GRM7: variants seen among roughly 807,000 people sequenced by gnomAD.
GRM7 encodes metabotropic glutamate receptor 7.
A neutral mutation model predicts 84.5 loss-of-function variants in GRM7; 35 were observed. That is an observed-to-expected ratio of 0.41 (90% confidence interval 0.32 to 0.55). GRM7 has a LOEUF of 0.55. Among genes scored for constraint, GRM7 ranks in the 20% least tolerant of loss-of-function variants. GRM7 has a pLI of 0.19. For synonymous variants in GRM7, 487 were observed against 455.1 expected, an observed-to-expected ratio of 1.07 and a Z score of -0.89; for missense variants, 1,003 against 1,194.6, an observed-to-expected ratio of 0.84 and a Z score of 2.36.
intron 8 of GRM7, among the ~76,000 whole-genome samples, chr3:7,588,236 C>T (rs902306049): frequency 6.6e-6 from 1 of 152,190 alleles, no homozygotes; most frequent in African/African-American, 2.4e-5. Context: ...GGCTGTTGAA[C>T]TGCAAGCAGT....
At chr3:7,469,575 C>T (rs144705264) in intron 7 of GRM7, among the ~76,000 whole-genome samples, 126 of 152,050 alleles carry the variant, frequency 8.3e-4, no homozygotes, top group African/African-American at 2.9e-3. Context: ...CATCTGCCAC[C>T]TACTTCTCTA....
intron 8 of GRM7, among the ~76,000 whole-genome samples, chr3:7,581,030 A>C (rs1051046750): frequency 1.3e-5 from 2 of 152,194 alleles, no homozygotes; most frequent in Non-Finnish European, 2.9e-5. Flanking sequence ...CAACAGGTTG[A>C]AGACATTAAA....
intron 3 of GRM7, among the ~76,000 whole-genome samples, chr3:7,305,413 T>A (rs1209317335): frequency 2.1e-5 from 1 of 47,758 alleles, no homozygotes; most frequent in African/African-American, 4.4e-5. Flanking sequence ...TAGTTACATA[T>A]GTATACATGT....
At chr3:7,625,342 C>A (rs541379432) in intron 8 of GRM7, among the ~76,000 whole-genome samples, 1 of 151,514 alleles carries the variant, frequency 6.6e-6, no homozygotes, top group Non-Finnish European at 1.5e-5. Context: ...GTCTAGAGGG[C>A]AAGAAAAAAG....
chr3:7,480,715 G>A (rs1026439071), intron 7 of GRM7, among the ~76,000 whole-genome samples: 22 of 152,066 alleles, frequency 1.4e-4, no homozygotes, highest in African/African-American at 5.1e-4. Context: ...TTTAATGTAG[G>A]GCTTCAAGCT....
chr3:7,099,351 TATGTACAC>T (rs1160036123), intron 1 of GRM7, among the ~76,000 whole-genome samples: 4 of 147,908 alleles, frequency 2.7e-5, no homozygotes, highest in South Asian at 4.2e-4. Flanking sequence ...TACATGTATA[TATGTACAC>T]ATGTATACAT....
intron 2 of GRM7, among the ~76,000 whole-genome samples, chr3:7,177,637 TA>T (rs1695199485): frequency 6.7e-6 from 1 of 149,294 alleles, no homozygotes; most frequent in Non-Finnish European, 1.5e-5. Flanking sequence ...AAGAAGGAAA[TA>T]GAAAGAAGGG....
At chr3:7,081,113 A>G (rs1389123605) in intron 1 of GRM7, among the ~76,000 whole-genome samples, 6 of 152,010 alleles carry the variant, frequency 3.9e-5, no homozygotes, top group Admixed American at 3.9e-4. Flanking sequence ...TAGTTATGGT[A>G]CAGAGTCCTT....
intron 1 of GRM7, among the ~76,000 whole-genome samples, chr3:7,141,093 C>A (rs898544638): frequency 6.6e-6 from 1 of 151,832 alleles, no homozygotes; most frequent in Admixed American, 6.6e-5. Flanking sequence ...TCAGAAATAA[C>A]AAAAGGGAAA....
At chr3:6,883,035 A>C (rs1695568224) in intron 1 of GRM7, among the ~76,000 whole-genome samples, 1 of 152,196 alleles carries the variant, frequency 6.6e-6, no homozygotes, top group Non-Finnish European at 1.5e-5. Context: ...TCAGCAATTT[A>C]ACATCGTGTG....
chr3:7,524,186 T>C (rs1401044947), intron 7 of GRM7, among the ~76,000 whole-genome samples: 1 of 151,114 alleles, frequency 6.6e-6, no homozygotes, highest in Non-Finnish European at 1.5e-5. Flanking sequence ...GGCATTACCA[T>C]TCAGGACATA....
chr3:7,130,568 A>T (rs1327460066), intron 1 of GRM7, among the ~76,000 whole-genome samples: 1 of 142,268 alleles, frequency 7.0e-6, no homozygotes, highest in South Asian at 2.2e-4. Context: ...AAGAAAAAAA[A>T]AAAGGATTAA....
intron 1 of GRM7, among the ~76,000 whole-genome samples, chr3:7,014,804 G>A (rs1052370200): frequency 6.6e-6 from 1 of 152,204 alleles, no homozygotes; most frequent in African/African-American, 2.4e-5. Context: ...AGATGTTGTA[G>A]TGAGAGGTGA....
chr3:7,326,147 A>G lies in GRM7; in HGVS notation c.1033+19495A>G, dbSNP rs558174286. Among the ~76,000 whole-genome samples, 15 of 150,846 alleles carry G rather than the reference A, an allele frequency of 9.9e-5. 1 individual carries two copies. The South Asian group carries it at 2.1e-3, about 21-fold the overall frequency. On this transcript the variant is annotated intron_variant, in intron 4 of 9. Transcript: ENST00000357716. ...GACAACCACAGTAATTAAAGGTATC[A>G]ACATCTGTTGAACAACAGTAGGCAA...
At chr3:7,629,426 G>A (rs945669445) in intron 8 of GRM7, among the ~76,000 whole-genome samples, 1 of 152,238 alleles carries the variant, frequency 6.6e-6, no homozygotes, top group South Asian at 2.1e-4. Context: ...GCAAATAGCT[G>A]CCTTCTCACT....
chr3:7,256,619 ACACACACACACATG>A (rs36206985), intron 2 of GRM7, among the ~76,000 whole-genome samples: 5,031 of 151,958 alleles, frequency 0.033, 267 homozygotes, highest in African/African-American at 0.11. Context: ...CTACCTATGC[ACACACACACACATG>A]CACACACACA....
intron 1 of GRM7, among the ~76,000 whole-genome samples, chr3:6,950,806 T>C (rs145032717): frequency 0.054 from 8,278 of 152,268 alleles, 291 homozygotes; most frequent in African/African-American, 0.083. Context: ...GATCTCAGAC[T>C]GCTGTGCTAG....
chr3:7,072,992 G>A (rs1697941450), intron 1 of GRM7, among the ~76,000 whole-genome samples: 1 of 152,130 alleles, frequency 6.6e-6, no homozygotes, highest in African/African-American at 2.4e-5. Flanking sequence ...TTTATGGGTT[G>A]AAAAGTGGAA....
chr3:6,926,269 T>C (rs187626759), intron 1 of GRM7, among the ~76,000 whole-genome samples: 109 of 152,352 alleles, frequency 7.2e-4, no homozygotes, highest in Non-Finnish European at 9.3e-4. Flanking sequence ...TCTATCTGCT[T>C]TTTTCTACAT....
Sources: allele counts gnomAD v4.1 joint callset (sites outside exome capture counted in the v4.1 genomes callset), GRCh38; gene constraint gnomAD v4.1.1; transcripts MANE v1.5; gene names NCBI Gene and HGNC (gene_info 2026-07-23, HGNC 2026-07-21).